The following CNTNAP2 variants were observed in gnomAD, a reference collection of about 807,000 sequenced individuals.
The protein encoded by CNTNAP2 is contactin-associated protein-like 2.
A neutral mutation model predicts 155.2 loss-of-function variants in CNTNAP2; 98 were observed. The ratio of observed to expected loss-of-function variants is 0.63; its 90% CI spans 0.54 to 0.75. The LOEUF (loss-of-function observed/expected upper bound fraction) is 0.75. CNTNAP2 is among the 30% of genes least tolerant of loss of function. CNTNAP2 has a pLI of 0.00. For missense variants in CNTNAP2, 1,727 were observed against 1,688.1 expected (o/e 1.02, Z -0.40); for synonymous variants, 651 against 631.2 (o/e 1.03, Z -0.47).
At chr7:147,437,983 A>G (rs907645416) in intron 10 of CNTNAP2, among the ~76,000 whole-genome samples, 1 of 152,088 alleles carries the variant, frequency 6.6e-6, no homozygotes, top group Non-Finnish European at 1.5e-5. Context: ...AACTTTACAT[A>G]ATTTATCAGT....
chr7:146,125,420 CA>C, intron 1 of CNTNAP2, among the ~76,000 whole-genome samples: 1 of 151,280 alleles, frequency 6.6e-6, no homozygotes, highest in East Asian at 1.9e-4. Context: ...ACTAAAAATA[CA>C]AAAAATTAGC....
intron 10 of CNTNAP2, among the ~76,000 whole-genome samples, chr7:147,441,813 T>TCCTCTCTCTCTCTC (rs1797639871): frequency 9.8e-6 from 1 of 102,114 alleles, no homozygotes; most frequent in African/African-American, 4.0e-5. Context: ...TGTAGTCTCT[T>TCCTCTCTCTCTCTC]TCTCTCTCTC....
rs574387063 is a variant in CNTNAP2 at position 146,536,881 on chromosome 7, A to G, written c.98-237390A>G. Among the ~76,000 whole-genome samples, 23 of 152,264 alleles carry G rather than the reference A, an allele frequency of 1.5e-4. No individual in the cohort carries two copies. In the South Asian group the frequency reaches 1.7e-3, roughly 11 times the overall value. ...TATTTTTAATTTGAGAAAACTCTGT[A>G]TTTGCAAATAGTTCAAAAGCATATT... is the stretch of plus-strand genomic sequence containing the variant. On this transcript the variant is annotated intron_variant, in intron 1 of 23. Transcript: ENST00000361727.
chr7:148,191,313 C>G (rs1356955649), intron 18 of CNTNAP2, among the ~76,000 whole-genome samples: 1 of 152,030 alleles, frequency 6.6e-6, no homozygotes, highest in Non-Finnish European at 1.5e-5. Flanking sequence ...CTCTCTGTGT[C>G]CTCTTCTCTT....
intron 1 of CNTNAP2, among the ~76,000 whole-genome samples, chr7:146,672,230 A>C (rs1480993234): frequency 6.6e-6 from 1 of 152,190 alleles, no homozygotes; most frequent in Non-Finnish European, 1.5e-5. Flanking sequence ...TTCACTCTTC[A>C]GCAAATCTTT....
At chr7:147,325,609 G>A (rs978671306) in intron 9 of CNTNAP2, among the ~76,000 whole-genome samples, 10 of 152,040 alleles carry the variant, frequency 6.6e-5, no homozygotes, top group African/African-American at 2.4e-4. Context: ...TTTCTTTTTA[G>A]CCAGTCAAAT....
intron 2 of CNTNAP2, among the ~76,000 whole-genome samples, chr7:146,792,651 C>T (rs964681975): frequency 6.6e-6 from 1 of 152,124 alleles, no homozygotes; most frequent in Non-Finnish European, 1.5e-5. Context: ...GGGATTAAAA[C>T]ATCTGAAAAG....
At chr7:147,735,128 A>G (rs896872844) in intron 13 of CNTNAP2, among the ~76,000 whole-genome samples, 8 of 151,950 alleles carry the variant, frequency 5.3e-5, no homozygotes, top group Non-Finnish European at 1.0e-4. Context: ...TGTCAATTTT[A>G]GATCTTTCCT....
chr7:147,934,496 C>G (rs1315380874), intron 14 of CNTNAP2, among the ~76,000 whole-genome samples: 4 of 152,142 alleles, frequency 2.6e-5, no homozygotes, highest in African/African-American at 9.7e-5. Flanking sequence ...TACTGCCCAC[C>G]AAGTCCCTCC....
chr7:146,334,877 T>C (rs571320422), intron 1 of CNTNAP2, among the ~76,000 whole-genome samples: 1 of 152,330 alleles, frequency 6.6e-6, no homozygotes, highest in African/African-American at 2.4e-5. Context: ...TAGGTTAATA[T>C]CCTCACTCAC....
At chr7:148,267,382 T>C (rs181508196) in intron 21 of CNTNAP2, among the ~76,000 whole-genome samples, 22 of 152,180 alleles carry the variant, frequency 1.4e-4, no homozygotes, top group African/African-American at 5.1e-4. Context: ...AGGCTGGGCA[T>C]GGTGGGTCAC....
intron 21 of CNTNAP2, among the ~76,000 whole-genome samples, chr7:148,338,551 T>TG (rs914808781): frequency 9.4e-5 from 14 of 148,806 alleles, no homozygotes; most frequent in South Asian, 6.6e-4. Flanking sequence ...AATTGGGGCG[T>TG]GGGGGGGTGA....
At position 147,854,898 on chromosome 7, in the gene CNTNAP2, A is replaced by T. The variant is rs192604017; in HGVS notation, c.2099-48667A>T. Reference sequence around the variant, plus strand: ...ATTAAAATGAAAAGGCCAAATTGAGATATGCTCTCAGTACAAAATACATAA... The same window carrying T: ...ATTAAAATGAAAAGGCCAAATTGAGTTATGCTCTCAGTACAAAATACATAA... On this transcript the variant is annotated intron_variant, in intron 13 of 23. Transcript: ENST00000361727. Among the ~76,000 whole-genome samples the T allele has an allele frequency of 1.5e-3, 228 of 152,280 alleles. 2 individuals carry two copies. Among genetic ancestry groups the T allele is most frequent in the Middle Eastern group, 0.014 (4 of 294 alleles).
At chr7:146,228,425 TG>T (rs575617330) in intron 1 of CNTNAP2, among the ~76,000 whole-genome samples, 2 of 152,322 alleles carry the variant, frequency 1.3e-5, no homozygotes, top group South Asian at 4.1e-4. Flanking sequence ...GTATAAATTC[TG>T]TAGAGTTGTA....
At chr7:147,064,666 A>G (rs1305254063) in intron 4 of CNTNAP2, among the ~76,000 whole-genome samples, 1 of 152,210 alleles carries the variant, frequency 6.6e-6, no homozygotes. Context: ...AAAATATTCA[A>G]TTAATAGCAG....
intron 16 of CNTNAP2, among the ~76,000 whole-genome samples, chr7:148,146,775 T>C (rs559932249): frequency 2.6e-5 from 4 of 151,896 alleles, no homozygotes; most frequent in Admixed American, 1.3e-4. Context: ...AACAATAGGT[T>C]ACCCTCATTA....
chr7:147,698,847 G>C (rs908529267), intron 13 of CNTNAP2, among the ~76,000 whole-genome samples: 1 of 152,128 alleles, frequency 6.6e-6, no homozygotes, highest in East Asian at 1.9e-4. Flanking sequence ...GCTGGTGTGA[G>C]CACATTATTG....
At chr7:147,927,337 T>C (rs538714587) in intron 14 of CNTNAP2, among the ~76,000 whole-genome samples, 2 of 152,346 alleles carry the variant, frequency 1.3e-5, no homozygotes, top group African/African-American at 4.8e-5. Context: ...TCTGATTAGA[T>C]TCATTGAAAT....
chr7:147,950,189 C>T (rs1800900766), intron 14 of CNTNAP2, among the ~76,000 whole-genome samples: 1 of 151,722 alleles, frequency 6.6e-6, no homozygotes, highest in Non-Finnish European at 1.5e-5. Context: ...CAGTAACTCA[C>T]CTGGAATTGA....
Sources: allele counts gnomAD v4.1 joint callset (sites outside exome capture counted in the v4.1 genomes callset), GRCh38; gene constraint gnomAD v4.1.1; transcripts MANE v1.5; gene names NCBI Gene and HGNC (gene_info 2026-07-23, HGNC 2026-07-21).